CCDC30: variants seen among roughly 807,000 people sequenced by gnomAD.
CCDC30 encodes the protein coiled-coil domain-containing protein 30.
A neutral mutation model predicts 100.2 loss-of-function variants in CCDC30; 70 were observed. The ratio of observed to expected loss-of-function variants is 0.70; its 90% CI spans 0.58 to 0.85. The LOEUF (loss-of-function observed/expected upper bound fraction) is 0.85, where lower values mean the gene tolerates loss of function less well. Among genes scored for constraint, CCDC30 ranks in the 40% least tolerant of loss-of-function variants. CCDC30 has a pLI of 0.00. For synonymous variants in CCDC30, 233 were observed against 269.5 expected (o/e 0.86, Z 1.33); for missense variants, 652 against 771.2 (o/e 0.85, Z 1.83).
intron 6 of CCDC30, among the ~76,000 whole-genome samples, chr1:42,519,968 A>G (rs1275367404): frequency 6.6e-6 from 1 of 152,100 alleles, no homozygotes; most frequent in Non-Finnish European, 1.5e-5. Context: ...TAATGCCCTC[A>G]CTTCCTAATT....
chr1:42,650,252 G>C (rs187919057), intron 15 of CCDC30, among the ~76,000 whole-genome samples: 40 of 152,164 alleles, frequency 2.6e-4, no homozygotes, highest in Non-Finnish European at 5.1e-4. Context: ...GGAGGCTGAG[G>C]GGGGCAGATT....
chr1:42,528,698 A>C (rs955730040), intron 6 of CCDC30, among the ~76,000 whole-genome samples: 4 of 152,212 alleles, frequency 2.6e-5, no homozygotes, highest in Non-Finnish European at 5.9e-5. Flanking sequence ...TCAGTCATTC[A>C]CTGGAGGCTA....
downstream of CCDC30, chr1:42,654,233 C>G (rs887683328): frequency 5.6e-6 from 3 of 539,718 alleles, no homozygotes; most frequent in African/African-American, 5.7e-5. Flanking sequence ...TTGTATTGAC[C>G]AAAATATTGA....
At chr1:42,457,549 G>A in the CCDC30 span, 2 of 599,144 alleles carry the variant, frequency 3.3e-6, no homozygotes, top group Non-Finnish European at 5.9e-6. Context: ...AATACAGAGT[G>A]ATAAATGCTC....
chr1:42,585,577 CT>C (rs1408062361), intron 9 of CCDC30, among the ~76,000 whole-genome samples: 1 of 151,850 alleles, frequency 6.6e-6, no homozygotes, highest in Non-Finnish European at 1.5e-5. Flanking sequence ...TTCTTTGCTT[CT>C]GCTTGCTTTA....
intron 6 of CCDC30, chr1:42,509,950 C>G: frequency 1.6e-6 from 1 of 624,924 alleles, no homozygotes; most frequent in African/African-American, 2.0e-5. Context: ...AAGCTCAACT[C>G]TAAGCAAAGC....
At chr1:42,531,267 T>C (rs977498223) in intron 6 of CCDC30, among the ~76,000 whole-genome samples, 1 of 152,176 alleles carries the variant, frequency 6.6e-6, no homozygotes, top group Non-Finnish European at 1.5e-5. Flanking sequence ...ATTGTAAGCT[T>C]CCTGAGGCCT....
At chr1:42,526,500 A>G (rs1313781111) in intron 6 of CCDC30, among the ~76,000 whole-genome samples, 2 of 152,068 alleles carry the variant, frequency 1.3e-5, no homozygotes, top group Non-Finnish European at 2.9e-5. Context: ...TGACTACCTG[A>G]ATAATTCATA....
At chr1:42,641,214 T>TG (rs1647360123) in intron 12 of CCDC30, among the ~76,000 whole-genome samples, 1 of 142,386 alleles carries the variant, frequency 7.0e-6, no homozygotes, top group African/African-American at 2.7e-5. Flanking sequence ...ACACATGGCT[T>TG]TTGTGTGTGT....
intron 8 of CCDC30, 152 bp downstream of exon 12, chr1:42,577,381 C>T: frequency 1.6e-6 from 1 of 631,184 alleles, no homozygotes; most frequent in Admixed American, 3.2e-5. Context: ...TTTGATTTCA[C>T]CTGTTCCTAC....
chr1:42,602,366 G>T (rs192543922), intron 10 of CCDC30, among the ~76,000 whole-genome samples: 37 of 151,972 alleles, frequency 2.4e-4, no homozygotes, highest in African/African-American at 8.9e-4. Flanking sequence ...TCTTTGAAAA[G>T]ATTAATAAAA....
At chr1:42,560,943 C>A (rs1645474295) in intron 6 of CCDC30, among the ~76,000 whole-genome samples, 1 of 152,146 alleles carries the variant, frequency 6.6e-6, no homozygotes, top group Non-Finnish European at 1.5e-5. Context: ...GTAACAAGCT[C>A]TGAAATTGAG....
At chr1:42,597,124 A>T (rs1218323899) in intron 10 of CCDC30, among the ~76,000 whole-genome samples, 1 of 152,228 alleles carries the variant, frequency 6.6e-6, no homozygotes, top group African/African-American at 2.4e-5. Context: ...AAAAAATACT[A>T]AAACAAAAAC....
chr1:42,587,663 A>G (rs1447312993), intron 9 of CCDC30, among the ~76,000 whole-genome samples: 1 of 152,214 alleles, frequency 6.6e-6, no homozygotes, highest in East Asian at 1.9e-4. Flanking sequence ...ATTTCTCAGA[A>G]TACTGAAGTT....
At chr1:42,577,561 ATGT>A (rs1024996498) in intron 8 of CCDC30, among the ~76,000 whole-genome samples, 2 of 152,290 alleles carry the variant, frequency 1.3e-5, no homozygotes, top group African/African-American at 4.8e-5. Flanking sequence ...GTTAATGTAA[ATGT>A]TGTTTTAATT....
chr1:42,502,556 C>T (rs1644335805), intron 6 of CCDC30, among the ~76,000 whole-genome samples: 1 of 152,224 alleles, frequency 6.6e-6, no homozygotes, highest in Admixed American at 6.5e-5. Context: ...CTGCGTCGCT[C>T]ATGCTGGGAG....
In CCDC30 at chr1:42,634,041, C is replaced by T. The variant is rs60510805; in HGVS notation, c.1278-3196C>T. 6.3e-3 allele frequency among the ~76,000 whole-genome samples: 955 copies of T among 152,158 alleles called. 5 individuals are homozygous for T. The highest frequency in any genetic ancestry group is 0.022 in the African/African-American group (921 of 41,524). The stretch of plus-strand genomic sequence containing the variant: ...TGTCAATAGAACAGTATGGAGGCAA[C>T]CGCCCCCATGATTCAATTACCTCCC... On this transcript the variant is annotated intron_variant, in intron 11 of 16. Coordinates refer to ENST00000668663, the Ensembl canonical transcript of CCDC30.
At chr1:42,573,801 A>G (rs114184553) in intron 7 of CCDC30, among the ~76,000 whole-genome samples, 3,140 of 152,254 alleles carry the variant, frequency 0.021, 122 homozygotes, top group African/African-American at 0.071. Context: ...GCTTTCTAGC[A>G]TTAGTTTGTT....
intron 6 of CCDC30, among the ~76,000 whole-genome samples, chr1:42,517,876 T>G (rs1251057226): frequency 1.3e-5 from 2 of 152,212 alleles, no homozygotes; most frequent in African/African-American, 4.8e-5. Context: ...CACTGCAGCT[T>G]TGTAGTAAGT....
Sources: allele counts gnomAD v4.1 joint callset (sites outside exome capture counted in the v4.1 genomes callset), GRCh38; gene constraint gnomAD v4.1.1; transcripts MANE v1.5; gene names NCBI Gene and HGNC (gene_info 2026-07-23, HGNC 2026-07-21).